Variants in KLRF2 observed in about 807,000 individuals in gnomAD.
The protein encoded by KLRF2 is killer cell lectin like receptor F2.
KLRF2 carries 28 observed loss-of-function variants against 25.3 expected under a neutral mutation model. That is an observed-to-expected ratio of 1.11 (90% CI 0.82 to 1.52). KLRF2 has a LOEUF of 1.52. Among genes scored for constraint, KLRF2 ranks in the 40% most tolerant of loss-of-function variants. The pLI is 0.00. For synonymous variants in KLRF2, 73 were observed against 85.0 expected, an observed-to-expected ratio of 0.86 and a Z score of 0.78; for missense variants, 265 against 245.8, an observed-to-expected ratio of 1.08 and a Z score of -0.52.
intron 3 of KLRF2, among the ~76,000 whole-genome samples, chr12:9,892,279 A>G (rs191226205): frequency 2.4e-4 from 37 of 152,344 alleles, no homozygotes; most frequent in African/African-American, 8.9e-4. Flanking sequence ...ATGAACGAAA[A>G]GCACAGGAGA....
In KLRF2 at chr12:9,882,650, G is replaced by T. The variant is rs922434923; in HGVS notation, c.70+985G>T. On this transcript the variant is annotated intron_variant, in intron 1 of 5. Transcript: ENST00000535540. ...AAAAAAATTAGCTGGGTATGGTGGC[G>T]TGTGCCTGTAATCCCAACTACTTGG... 5.9e-5 allele frequency among the ~76,000 whole-genome samples: 9 copies of T among 152,098 alleles called. No individual in the cohort carries two copies. The East Asian group carries it at 1.5e-3, about 26-fold the overall frequency.
chr12:9,891,867 T>A (rs567465504), intron 3 of KLRF2, among the ~76,000 whole-genome samples: 2 of 152,302 alleles, frequency 1.3e-5, no homozygotes, highest in African/African-American at 4.8e-5. Context: ...AATTTTTAAA[T>A]AAAATTTTAG....
Position 9,881,609 on chromosome 12 carries a change from A to G in KLRF2, c.14A>G (p.Asp5Gly). 1 of 1,534,264 alleles carries G rather than the reference A, an allele frequency of 6.5e-7. No homozygotes were observed. Among genetic ancestry groups the G allele is most frequent in the Non-Finnish European group, 8.7e-7 (1 of 1,145,334 alleles). The change falls in exon 1 of 6, where the codon GAT (aspartate) becomes GGT (glycine). Residue 5 changes from aspartate to glycine, a missense_variant. Coordinates refer to ENST00000535540, the MANE Select transcript of KLRF2 (RefSeq NM_001190765.1). Reference protein sequence around the residue: MENEDGYMTLSFKNR... With the variant: MENEGGYMTLSFKNR... Reference sequence around the variant, plus strand: ...ACATTTGAAGAGATGGAGAATGAAGATGGGTATATGACGCTGAGTTTCAAG... The same window carrying G: ...ACATTTGAAGAGATGGAGAATGAAGGTGGGTATATGACGCTGAGTTTCAAG...
In KLRF2 at chr12:9,881,627, G is replaced by A. The variant is rs1474905568; in HGVS notation, c.32G>A (p.Ser11Asn). MENEDGYMTL[S>N]FKNRCKSKQK... is the part of the protein sequence containing the mutation. ...AATGAAGATGGGTATATGACGCTGA[G>A]TTTCAAGAATCGTTGTAAATCGAAG... The change falls in exon 1 of 6, where the codon AGT becomes AAT. Residue 11 changes from serine (S) to asparagine (N), a missense_variant. Physicochemically the swap from Ser to Asn is conservative, Grantham distance 46 (BLOSUM62 1). Coordinates refer to ENST00000535540, the MANE Select transcript of KLRF2 (RefSeq NM_001190765.1). The A allele has an allele frequency of 6.5e-7, 1 of 1,535,450 alleles. No individual in the cohort carries two copies. Among genetic ancestry groups the A allele is most frequent in the Non-Finnish European group, 8.7e-7 (1 of 1,146,500 alleles).
chr12:9,887,287 T>C (rs1862609477), intron 2 of KLRF2, among the ~76,000 whole-genome samples: 2 of 151,984 alleles, frequency 1.3e-5, no homozygotes, highest in Admixed American at 1.3e-4. Flanking sequence ...ATAGATTAGA[T>C]AGATAAAGAT....
chr12:9,894,461 T>C (rs1236709197), intron 5 of KLRF2, among the ~76,000 whole-genome samples: 2 of 152,086 alleles, frequency 1.3e-5, no homozygotes, highest in African/African-American at 4.8e-5. Flanking sequence ...AGATTACAGG[T>C]GTGAGCCACC....
At chr12:9,893,393 A>G in intron 4 of KLRF2, 36 bp from the exon 5 acceptor site, 1 of 1,063,820 alleles carries the variant, frequency 9.4e-7, no homozygotes. Flanking sequence ...ATTTTTTTAA[A>G]CAAATGAATG....
intron 5 of KLRF2, among the ~76,000 whole-genome samples, chr12:9,894,126 T>TTCTC (rs141327204): frequency 0.39 from 50,061 of 129,998 alleles, 10,531 homozygotes; most frequent in Non-Finnish European, 0.49. Flanking sequence ...TTTCTTTTCT[T>TTCTC]TCTCTCTCTC....
At chr12:9,888,489 C>CAA (rs538330849) in intron 2 of KLRF2, among the ~76,000 whole-genome samples, 2,903 of 142,182 alleles carry the variant, frequency 0.02, 42 homozygotes, top group Middle Eastern at 0.046. Flanking sequence ...GACTCTGTCT[C>CAA]AAAAAAAAAA....
rs765929146 is a variant in KLRF2 at position 9,888,740 on chromosome 12, A to C, written c.177A>C (p.Lys59Asn). 46 of 1,495,738 alleles carry C rather than the reference A, an allele frequency of 3.1e-5. No homozygotes were observed. The highest frequency in any genetic ancestry group is 4.1e-5 in the Non-Finnish European group (45 of 1,110,486). 92.7% of individuals were successfully genotyped at this position (1,495,738 alleles called of 1,614,324 possible). A position where few individuals can be genotyped will look rare whatever the true frequency, so the allele number is the denominator to read the frequency against. Residue 59 changes from lysine (K) to asparagine (N), a missense_variant, in exon 3 of 6, where the codon AAA becomes AAC. By Grantham distance (94) the Lys-to-Asn change is moderately conservative. Coordinates refer to ENST00000535540, the MANE Select transcript of KLRF2 (RefSeq NM_001190765.1). Reference sequence around the variant, plus strand: ...TCTTTGCACTGAGTACAGATAAAAAAATGGATTTCTCCCAGAATGTAAACG... The same window carrying C: ...TCTTTGCACTGAGTACAGATAAAAACATGGATTTCTCCCAGAATGTAAACG... The part of the protein sequence containing the change: ...TGIDLKFWHK[K>N]MDFSQNVNVS...
At chr12:9,892,893 T>C in intron 3 of KLRF2, 127 bp from the exon 4 acceptor site, 1 of 810,360 alleles carries the variant, frequency 1.2e-6, no homozygotes, top group Non-Finnish European at 1.8e-6. Flanking sequence ...CTGAACTCCT[T>C]TTTATTGACC....
intron 2 of KLRF2, among the ~76,000 whole-genome samples, chr12:9,886,421 A>C (rs1343470964): frequency 5.3e-5 from 8 of 152,172 alleles, no homozygotes; most frequent in Admixed American, 5.2e-4. Flanking sequence ...GAAAATGAAA[A>C]GTGGATAGCA....
intron 3 of KLRF2, among the ~76,000 whole-genome samples, chr12:9,889,908 G>A (rs1238589684): frequency 6.6e-6 from 1 of 151,848 alleles, no homozygotes; most frequent in South Asian, 2.1e-4. Context: ...TAAATTGGGG[G>A]TGATAATGAC....
At chr12:9,891,163 A>G (rs1019862103) in intron 3 of KLRF2, among the ~76,000 whole-genome samples, 10 of 152,024 alleles carry the variant, frequency 6.6e-5, no homozygotes, top group Non-Finnish European at 1.5e-4. Flanking sequence ...CTACAAAGAT[A>G]TTTTAGAAAC....
At chr12:9,887,140 A>G (rs1322106411) in intron 2 of KLRF2, among the ~76,000 whole-genome samples, 2 of 152,198 alleles carry the variant, frequency 1.3e-5, no homozygotes, top group East Asian at 1.9e-4. Flanking sequence ...AAAAAAGTAG[A>G]TATAAAATAA....
At chr12:9,882,299 T>A (rs1315528235) in intron 1 of KLRF2, among the ~76,000 whole-genome samples, 1 of 152,184 alleles carries the variant, frequency 6.6e-6, no homozygotes, top group South Asian at 2.1e-4. Flanking sequence ...CATTCTCGTG[T>A]ACAATCTCAT....
At chr12:9,887,118 G>A (rs1862607678) in intron 2 of KLRF2, among the ~76,000 whole-genome samples, 1 of 151,832 alleles carries the variant, frequency 6.6e-6, no homozygotes, top group Non-Finnish European at 1.5e-5. Context: ...TCCAGAAGAA[G>A]AAAATAGGTG....
At position 9,884,214 on chromosome 12, in the gene KLRF2, A is replaced by T. The variant is rs116292626; in HGVS notation, c.71-720A>T. ...ATGCCCCTGTTTAACCTCTCTAGAG[A>T]TTACTTGTTTATTCCTTTATAAGGA... On this transcript the variant is annotated intron_variant, in intron 1 of 5. Coordinates refer to ENST00000535540, the MANE Select transcript of KLRF2 (RefSeq NM_001190765.1). Among the ~76,000 whole-genome samples, 323 of 152,170 alleles carry T rather than the reference A, an allele frequency of 2.1e-3. 1 individual carries two copies. Among genetic ancestry groups the T allele is most frequent in the African/African-American group, 7.6e-3 (315 of 41,568 alleles).
At chr12:9,888,238 C>G (rs1189048510) in intron 2 of KLRF2, among the ~76,000 whole-genome samples, 2 of 151,890 alleles carry the variant, frequency 1.3e-5, no homozygotes, top group African/African-American at 4.8e-5. Context: ...CACCTGTAAT[C>G]TCAGCACTTT....
Sources: gnomAD v4.1 joint callset for allele counts (sites outside exome capture counted in the v4.1 genomes callset) on GRCh38, gnomAD v4.1.1 for gene constraint, MANE v1.5 for transcripts, NCBI Gene and HGNC (gene_info 2026-07-23, HGNC 2026-07-21) for gene names.